IGF1R: variants seen among roughly 807,000 people sequenced by gnomAD.
IGF1R encodes the protein insulin like growth factor 1 receptor.
IGF1R carries 44 observed loss-of-function variants against 144.6 expected under a neutral mutation model. That is an observed-to-expected ratio of 0.30 (90% CI 0.24 to 0.39). The LOEUF (loss-of-function observed/expected upper bound fraction) is 0.39. IGF1R is among the 10% of genes least tolerant of loss of function. The probability of loss-of-function intolerance (pLI) is 1.00; values close to 1 mark genes in which losing one functional copy is unlikely to be tolerated. For missense variants in IGF1R, 1,355 were observed against 1,833.7 expected, an observed-to-expected ratio of 0.74 and a Z score of 4.77; for synonymous variants, 795 against 722.8, an observed-to-expected ratio of 1.10 and a Z score of -1.60.
At chr15:98,954,985 C>T (rs1431398397) in intron 20 of IGF1R, among the ~76,000 whole-genome samples, 2 of 152,110 alleles carry the variant, frequency 1.3e-5, no homozygotes, top group Non-Finnish European at 2.9e-5. Context: ...TTTCCAGGAT[C>T]GTTGGTGATC....
At chr15:98,743,906 G>A (rs1034594798) in intron 2 of IGF1R, among the ~76,000 whole-genome samples, 1 of 152,158 alleles carries the variant, frequency 6.6e-6, no homozygotes, top group African/African-American at 2.4e-5. Context: ...CTTGTGAGCA[G>A]GATATCAAAG....
intron 2 of IGF1R, among the ~76,000 whole-genome samples, chr15:98,741,748 T>G (rs1236927516): frequency 6.6e-6 from 1 of 152,218 alleles, no homozygotes; most frequent in Non-Finnish European, 1.5e-5. Context: ...TGCAAAGAAT[T>G]GTCATGAAGA....
intron 2 of IGF1R, among the ~76,000 whole-genome samples, chr15:98,879,551 T>G (rs1043069822): frequency 2.6e-5 from 4 of 152,204 alleles, no homozygotes; most frequent in African/African-American, 9.7e-5. Context: ...TGGATGTCTC[T>G]TAACTCTTTT....
chr15:98,894,518 C>T (rs1314408047), intron 3 of IGF1R, among the ~76,000 whole-genome samples: 1 of 152,214 alleles, frequency 6.6e-6, no homozygotes, highest in Non-Finnish European at 1.5e-5. Flanking sequence ...AAGTACACTA[C>T]TTGGATGGAT....
chr15:98,911,540 T>C (rs752723146), intron 7 of IGF1R, 99 bp downstream of exon 7: 30 of 1,510,884 alleles, frequency 2.0e-5, no homozygotes, highest in Middle Eastern at 2.2e-4. Flanking sequence ...ATACAGGGGG[T>C]CAGCAGAGTC....
chr15:98,943,881 A>AT (rs528388684), intron 19 of IGF1R, among the ~76,000 whole-genome samples: 28 of 150,050 alleles, frequency 1.9e-4, no homozygotes, highest in Non-Finnish European at 3.6e-4. Flanking sequence ...GACTGACATC[A>AT]TTTTTTTTTT....
chr15:98,684,930 CTTTTTTT>C (rs5814891), intron 1 of IGF1R, among the ~76,000 whole-genome samples: 29 of 113,440 alleles, frequency 2.6e-4, no homozygotes, highest in Non-Finnish European at 3.8e-4. Context: ...CTTCCTTTTC[CTTTTTTT>C]TTTTTTTTTT....
chr15:98,806,814 G>C (rs2056481833), intron 2 of IGF1R, among the ~76,000 whole-genome samples: 3 of 152,134 alleles, frequency 2.0e-5, no homozygotes, highest in Admixed American at 1.3e-4. Context: ...ATTGATGTGA[G>C]AGCTTTAGGG....
chr15:98,760,676 C>T (rs912100027), intron 2 of IGF1R, among the ~76,000 whole-genome samples: 1 of 152,272 alleles, frequency 6.6e-6, no homozygotes, highest in Non-Finnish European at 1.5e-5. Flanking sequence ...GAGAAGGAGG[C>T]CAGACTGGCA....
At chr15:98,868,542 C>T (rs566954418) in intron 2 of IGF1R, among the ~76,000 whole-genome samples, 3 of 152,136 alleles carry the variant, frequency 2.0e-5, no homozygotes, top group South Asian at 4.2e-4. Context: ...ACGAGAATTA[C>T]GCTAGAAAAC....
At position 98,688,414 on chromosome 15, in the gene IGF1R, C is replaced by G. The variant is rs932661738; in HGVS notation, c.95-19148C>G. Among the ~76,000 whole-genome samples the G allele has an allele frequency of 8.4e-5, 12 of 143,616 alleles. No homozygotes were observed. In the East Asian group the frequency reaches 1.9e-3, roughly 23 times the overall value. 94.2% of individuals were successfully genotyped at this position (143,616 alleles called of 152,430 possible). A position where few individuals can be genotyped will look rare whatever the true frequency, so the allele number is the denominator to read the frequency against. ...CTTCGACTCACCACACAACACACAC[C>G]TGTGTGTGTGTGTGTGTGTGTGTGT... On this transcript the variant is annotated intron_variant, in intron 1 of 20. Transcript: ENST00000650285.
At chr15:98,799,075 A>G (rs756488960) in intron 2 of IGF1R, among the ~76,000 whole-genome samples, 4 of 152,152 alleles carry the variant, frequency 2.6e-5, no homozygotes, top group Non-Finnish European at 2.9e-5. Flanking sequence ...TTGGGTAACT[A>G]TGCCCCTACC....
intron 2 of IGF1R, among the ~76,000 whole-genome samples, chr15:98,737,025 A>G (rs907808): frequency 0.3 from 44,947 of 152,090 alleles, 6,844 homozygotes; most frequent in South Asian, 0.38. Context: ...AGATGTATTC[A>G]AAGTCAGTCG....
In IGF1R at chr15:98,911,348, C is replaced by G; in HGVS notation, c.1496C>G (p.Thr499Ser). The G allele has an allele frequency of 6.2e-7, 1 of 1,614,166 alleles. No homozygotes were observed. Among genetic ancestry groups the G allele is most frequent in the South Asian group, 1.1e-5 (1 of 91,086 alleles). The stretch of plus-strand genomic sequence containing the variant: ...GACGTCCTGCATTTCACCTCCACCA[C>G]CACGTCGAAGAATCGCATCATCATA... ...ESDVLHFTST[T>S]TSKNRIIITW... is the part of the protein sequence containing the mutation. Residue 499 changes from threonine (T) to serine (S), a missense_variant, in exon 7 of 21, where the codon ACC (threonine) becomes AGC (serine). This residue lies in a region of IGF1R where 880 missense variants were observed against 1,202.7 expected (regional missense o/e 0.73). Coordinates refer to ENST00000650285, the MANE Select transcript of IGF1R (RefSeq NM_000875.5).
At chr15:98,709,352 A>G (rs45578931) in intron 2 of IGF1R, among the ~76,000 whole-genome samples, 7 of 152,194 alleles carry the variant, frequency 4.6e-5, no homozygotes, top group Admixed American at 2.6e-4. Context: ...GCACTTTTCT[A>G]TTCTGCAGAA....
chr15:98,964,482 C>CCAG lies in IGF1R; in HGVS notation c.*7040_*7041insCAG, dbSNP rs1567231232. 1.4e-5 allele frequency: 3 copies of CCAG among 218,570 alleles called. No individual in the cohort carries two copies. Among genetic ancestry groups the CCAG allele is most frequent in the African/African-American group, 7.1e-5 (3 of 42,022 alleles). The allele number at this position is 218,570 out of a possible 1,614,324, so 13.5% of individuals were successfully genotyped here. Reference sequence around the variant, plus strand: ...TTAGTTTCTCTTACTCTGCTTTTTTCTAGTAAAGTACTACATGGTTTAAGT... The same window carrying CCAG: ...TTAGTTTCTCTTACTCTGCTTTTTTCCAGTAGTAAAGTACTACATGGTTTAAGT... On this transcript the variant is annotated 3_prime_UTR_variant, in exon 21 of 21. Coordinates refer to ENST00000650285, the MANE Select transcript of IGF1R (RefSeq NM_000875.5).
rs1294339152 is a variant in IGF1R, at chr15:98,958,961, C to G, written c.*1519C>G. 4 of 233,320 alleles carry G rather than the reference C, an allele frequency of 1.7e-5. No homozygotes were observed. The highest frequency in any genetic ancestry group is 2.5e-5 in the Non-Finnish European group (3 of 118,066). The allele number at this position is 233,320 out of a possible 1,614,324, so 14.5% of individuals were successfully genotyped here. ...CTTTAGTTGTTTTCTAACCCGTAGG[C>G]TCTCTGGGCACGAGGCAGAAAGCAG... On this transcript the variant is annotated 3_prime_UTR_variant, in exon 21 of 21. Coordinates refer to ENST00000650285, the MANE Select transcript of IGF1R (RefSeq NM_000875.5).
At chr15:98,812,292 G>A (rs2056607809) in intron 2 of IGF1R, among the ~76,000 whole-genome samples, 1 of 151,790 alleles carries the variant, frequency 6.6e-6, no homozygotes, top group South Asian at 2.1e-4. Flanking sequence ...ACTCTTTCTT[G>A]TGCCCTTCCA....
At chr15:98,790,302 A>G (rs1405269159) in intron 2 of IGF1R, among the ~76,000 whole-genome samples, 1 of 152,220 alleles carries the variant, frequency 6.6e-6, no homozygotes, top group African/African-American at 2.4e-5. Flanking sequence ...TTTATTTAAA[A>G]GAAACATGTG....
Sources: allele counts gnomAD v4.1 joint callset (sites outside exome capture counted in the v4.1 genomes callset), GRCh38; gene constraint gnomAD v4.1.1; regional missense constraint gnomAD v4.1.1; transcripts MANE v1.5; gene names NCBI Gene and HGNC (gene_info 2026-07-23, HGNC 2026-07-21).